Variants in ELMOD2 observed in about 807,000 individuals in gnomAD.
The protein encoded by ELMOD2 is ELMO domain containing 2.
ELMOD2 carries 28 observed loss-of-function variants against 41.0 expected under a neutral mutation model. The observed-to-expected ratio is 0.68, with a 90% CI of 0.51 to 0.94. ELMOD2 has a LOEUF of 0.94. Among genes scored for constraint, ELMOD2 ranks in the 40% least tolerant of loss-of-function variants. The pLI, the probability that ELMOD2 is intolerant of heterozygous loss-of-function variation, is 0.00. For synonymous variants in ELMOD2, 106 were observed against 107.2 expected, an observed-to-expected ratio of 0.99 and a Z score of 0.07; for missense variants, 333 against 343.1, an observed-to-expected ratio of 0.97 and a Z score of 0.23.
intron 3 of ELMOD2, among the ~76,000 whole-genome samples, chr4:140,533,788 A>G (rs2110839056): frequency 6.6e-6 from 1 of 152,228 alleles, no homozygotes; most frequent in East Asian, 1.9e-4. Flanking sequence ...TTTAATGGGC[A>G]AGAGCTTTGA....
intron 4 of ELMOD2, among the ~76,000 whole-genome samples, chr4:140,536,191 A>G (rs187734217): frequency 6.6e-6 from 1 of 152,304 alleles, no homozygotes; most frequent in East Asian, 1.9e-4. Context: ...AGTTAGGTGC[A>G]TTGCTGTGGC....
In ELMOD2 at chr4:140,551,775, C is replaced by A. The variant is rs902189620; in HGVS notation, c.*1400C>A. 6.6e-6 allele frequency: 1 copy of A among 152,008 alleles called. No homozygotes were observed. Among genetic ancestry groups the A allele is most frequent in the African/African-American group, 2.4e-5 (1 of 41,404 alleles). 9.4% of individuals were successfully genotyped at this position (152,008 alleles called of 1,614,324 possible). On this transcript the variant is annotated 3_prime_UTR_variant, in exon 9 of 9. Transcript: ENST00000323570. ...ACCTGAGACTTTATAAGTATTTGCT[C>A]GTGTCTGTTGACAGACCTCTTTCTT...
At chr4:140,535,556 CTA>C (rs768754886) in intron 3 of ELMOD2, 175 bp from the exon 4 acceptor site, 390 of 516,746 alleles carry the variant, frequency 7.5e-4, no homozygotes, top group Middle Eastern at 3.2e-3. Context: ...TATTATAAAA[CTA>C]TATATATATA....
In ELMOD2 at chr4:140,540,169, T is replaced by C; in HGVS notation, c.401T>C (p.Leu134Pro). Residue 134 changes from leucine to proline, a missense_variant and splice_region_variant, in exon 6 of 9, where the codon CTT becomes CCT. Coordinates refer to ENST00000323570, the MANE Select transcript of ELMOD2 (RefSeq NM_153702.4). ...AATAATGGAAATATATTTGTACAGCTTTGGAATCTTCTAATGCCCACGAAG... is the reference window on the plus strand; with the variant it reads ...AATAATGGAAATATATTTGTACAGCCTTGGAATCTTCTAATGCCCACGAAG... Reference protein sequence around the residue: ...NLQHEELLMKLWNLLMPTKKL... With the variant: ...NLQHEELLMKPWNLLMPTKKL... The C allele has an allele frequency of 6.2e-7, 1 of 1,614,006 alleles. No individual in the cohort carries two copies.
At chr4:140,535,137 T>TCTCTCTCTCTCTC (rs1560827004) in intron 3 of ELMOD2, among the ~76,000 whole-genome samples, 14 of 141,402 alleles carry the variant, frequency 9.9e-5, no homozygotes, top group South Asian at 2.3e-4. Flanking sequence ...ATCTGTTTCT[T>TCTCTCTCTCTCTC]TCTCTCTCTC....
chr4:140,539,088 T>G (rs770574328), intron 5 of ELMOD2, among the ~76,000 whole-genome samples: 5 of 152,320 alleles, frequency 3.3e-5, no homozygotes, highest in Non-Finnish European at 5.9e-5. Flanking sequence ...GAGCCAGTCT[T>G]GACCCTGTTT....
In ELMOD2 at chr4:140,550,400, TACC is replaced by T; in HGVS notation, c.*28_*30del. 3 of 1,570,468 alleles carry T rather than the reference TACC, an allele frequency of 1.9e-6. No individual in the cohort carries two copies. The highest frequency in any genetic ancestry group is 2.6e-6 in the Non-Finnish European group (3 of 1,161,526). On this transcript the variant is annotated 3_prime_UTR_variant, in exon 9 of 9. Coordinates refer to ENST00000323570, the MANE Select transcript of ELMOD2 (RefSeq NM_153702.4). The stretch of plus-strand genomic sequence containing the variant: ...AATCATCCACTGTATCTTCTATTTC[TACC>T]ACATTTTGCACATTCAACAGAATTT...
At chr4:140,546,424 A>T (rs1430254345) in intron 8 of ELMOD2, among the ~76,000 whole-genome samples, 1 of 152,080 alleles carries the variant, frequency 6.6e-6, no homozygotes, top group African/African-American at 2.4e-5. Flanking sequence ...AACATGGCAC[A>T]TGTATACATA....
Position 140,537,463 on chromosome 4 carries a change from G to A in ELMOD2, c.321G>A (p.Gln107=), listed in dbSNP as rs1452487902. Reference sequence around the variant, plus strand: ...TACTGCAGATAACTGGTTATAAACAGCTGTATTTGGATGTAGAAAGTGTGA... The same window carrying A: ...TACTGCAGATAACTGGTTATAAACAACTGTATTTGGATGTAGAAAGTGTGA... ...MCLLQITGYK[Q]LYLDVESVRK... The change falls in exon 5 of 9, where the codon CAG becomes CAA. Residue 107 remains glutamine, a synonymous_variant. Transcript: ENST00000323570. 5 of 1,578,010 alleles carry A rather than the reference G, an allele frequency of 3.2e-6. No homozygotes were observed. The highest frequency in any genetic ancestry group is 4.3e-6 in the Non-Finnish European group (5 of 1,165,804).
At chr4:140,531,270 ATTCT>A (rs1201019267) in intron 3 of ELMOD2, among the ~76,000 whole-genome samples, 2 of 152,146 alleles carry the variant, frequency 1.3e-5, no homozygotes, top group Non-Finnish European at 1.5e-5. Context: ...CACAGTGTGC[ATTCT>A]TTCTTTGTTA....
chr4:140,542,296 GTT>G (rs567487070), intron 6 of ELMOD2: 42 of 196,450 alleles, frequency 2.1e-4, no homozygotes, highest in Non-Finnish European at 2.8e-4. Context: ...AACTTTGGTT[GTT>G]TTTTTTTTTT....
intron 8 of ELMOD2, among the ~76,000 whole-genome samples, chr4:140,549,061 C>CA (rs1442118637): frequency 6.6e-6 from 1 of 152,014 alleles, no homozygotes; most frequent in East Asian, 1.9e-4. Flanking sequence ...GCTCCTCCCC[C>CA]CACCATCCTA....
chr4:140,540,204 G>A lies in ELMOD2; in HGVS notation c.436G>A (p.Ala146Thr), dbSNP rs371278428. Residue 146 changes from alanine (A) to threonine (T), a missense_variant, in exon 6 of 9, where the codon GCT becomes ACT. Transcript: ENST00000323570. The stretch of plus-strand genomic sequence containing the variant: ...TCTAATGCCCACGAAGAAGTTAAAC[G>A]CTAGAATCTCCAAGCAGTGGGCTGA... ...NLLMPTKKLN[A>T]RISKQWAEIG... is the part of the protein sequence containing the mutation. The A allele has an allele frequency of 1.1e-5, 18 of 1,614,110 alleles. No homozygotes were observed. Among genetic ancestry groups the A allele is most frequent in the East Asian group, 2.2e-5 (1 of 44,876 alleles).
At chr4:140,538,395 T>TA (rs1734998091) in intron 5 of ELMOD2, among the ~76,000 whole-genome samples, 1 of 152,212 alleles carries the variant, frequency 6.6e-6, no homozygotes, top group South Asian at 2.1e-4. Context: ...ACTATCTAAA[T>TA]AACACTAAGC....
chr4:140,540,228 G>T lies in ELMOD2; in HGVS notation c.460G>T (p.Glu154Ter). The T allele has an allele frequency of 6.2e-7, 1 of 1,614,152 alleles. No individual in the cohort carries two copies. The highest frequency in any genetic ancestry group is 8.5e-7 in the Non-Finnish European group (1 of 1,180,016). ...CGCTAGAATCTCCAAGCAGTGGGCT[G>T]AAATTGGTTTTCAGGGTGATGATCC... ...LNARISKQWA[E>*]IGFQGDDPKT... Residue 154 changes from glutamate to a stop codon, truncating the protein, a stop_gained, in exon 6 of 9, where the codon GAA (glutamate) becomes TAA (stop). Transcript: ENST00000323570. LOFTEE classifies it high-confidence loss of function.
chr4:140,525,111 T>C (rs1333865140), intron 1 of ELMOD2: 1 of 199,004 alleles, frequency 5.0e-6, no homozygotes, highest in African/African-American at 2.4e-5. Flanking sequence ...GTTAGGAAAC[T>C]AAGATATGAA....
rs1217260721 is a variant in ELMOD2, at chr4:140,551,085, C to T, written c.*710C>T. 1.3e-5 allele frequency: 2 copies of T among 152,004 alleles called. No homozygotes were observed. Among genetic ancestry groups the T allele is most frequent in the Admixed American group, 1.3e-4 (2 of 15,244 alleles). 9.4% of individuals were successfully genotyped at this position (152,004 alleles called of 1,614,324 possible). ...GGCATTTTCTCATCTTCAGTATTTG[C>T]TTTTTATCAGTTGTAGAAAAGAACC... On this transcript the variant is annotated 3_prime_UTR_variant, in exon 9 of 9. Coordinates refer to ENST00000323570, the MANE Select transcript of ELMOD2 (RefSeq NM_153702.4).
At chr4:140,545,153 A>C (rs949820846) in intron 8 of ELMOD2, among the ~76,000 whole-genome samples, 1 of 152,098 alleles carries the variant, frequency 6.6e-6, no homozygotes, top group African/African-American at 2.4e-5. Context: ...TTGCCGCCTA[A>C]TACAATCGCC....
chr4:140,525,634 A>G (rs771005083), intron 2 of ELMOD2, 64 bp downstream of exon 2: 3 of 1,509,384 alleles, frequency 2.0e-6, no homozygotes, highest in Non-Finnish European at 2.7e-6. Context: ...CTCAGGACTC[A>G]CAGTGACAGA....
Sources: gnomAD v4.1 joint callset for allele counts (sites outside exome capture counted in the v4.1 genomes callset) on GRCh38, gnomAD v4.1.1 for gene constraint, MANE v1.5 for transcripts, NCBI Gene and HGNC (gene_info 2026-07-23, HGNC 2026-07-21) for gene names.